PDE3A: variants seen among roughly 807,000 people sequenced by gnomAD.
PDE3A encodes cGMP-inhibited 3',5'-cyclic phosphodiesterase 3A.
PDE3A carries 43 observed loss-of-function variants against 98.3 expected under a neutral mutation model. The observed-to-expected ratio is 0.44, with a 90% CI of 0.34 to 0.56. The LOEUF is 0.56. PDE3A is among the 20% of genes least tolerant of loss of function. The pLI is 0.01. For missense variants in PDE3A, 1,427 were observed against 1,440.7 expected, an observed-to-expected ratio of 0.99 and a Z score of 0.15; for synonymous variants, 663 against 567.9, an observed-to-expected ratio of 1.17 and a Z score of -2.38.
chr12:20,410,652 AT>A (rs1416889729), intron 1 of PDE3A, among the ~76,000 whole-genome samples: 2 of 152,142 alleles, frequency 1.3e-5, no homozygotes, highest in African/African-American at 4.8e-5. Context: ...AACCATTAAG[AT>A]GTGTCCTGTG....
rs905884408 is a variant in PDE3A, at chr12:20,688,473, T to C, written c.*8202T>C. On this transcript the variant is annotated 3_prime_UTR_variant, in exon 16 of 16. Coordinates refer to ENST00000359062, the MANE Select transcript of PDE3A (RefSeq NM_000921.5). ...GCCTCTTGGTTTTATATATATAATA[T>C]ATAAATATTACAGTAAATATATACT... Among the ~76,000 whole-genome samples the C allele has an allele frequency of 6.6e-6, 1 of 151,404 alleles. No homozygotes were observed. Among genetic ancestry groups the C allele is most frequent in the Non-Finnish European group, 1.5e-5 (1 of 67,868 alleles).
At chr12:20,384,407 T>C (rs570575290) in intron 1 of PDE3A, among the ~76,000 whole-genome samples, 4 of 152,112 alleles carry the variant, frequency 2.6e-5, no homozygotes, top group East Asian at 1.9e-4. Flanking sequence ...TAAATGTCTT[T>C]ATATTTTAAA....
intron 1 of PDE3A, among the ~76,000 whole-genome samples, chr12:20,458,804 A>T (rs534548509): frequency 6.6e-6 from 1 of 152,266 alleles, no homozygotes; most frequent in African/African-American, 2.4e-5. Flanking sequence ...ACATTAGGAT[A>T]CTGTCCATTT....
At chr12:20,593,574 T>C (rs186065768) in intron 2 of PDE3A, among the ~76,000 whole-genome samples, 1 of 151,562 alleles carries the variant, frequency 6.6e-6, no homozygotes, top group Non-Finnish European at 1.5e-5. Context: ...CAGTCTTGCA[T>C]GTAAATTTCC....
intron 1 of PDE3A, among the ~76,000 whole-genome samples, chr12:20,491,076 C>T (rs542797131): frequency 6.6e-6 from 1 of 152,112 alleles, no homozygotes; most frequent in African/African-American, 2.4e-5. Flanking sequence ...GTGAGCCTGA[C>T]TCAAAAAAAT....
chr12:20,664,849 AC>A (rs1461330398), intron 15 of PDE3A, among the ~76,000 whole-genome samples: 6 of 152,094 alleles, frequency 3.9e-5, no homozygotes, highest in African/African-American at 1.4e-4. Flanking sequence ...TGACTAACAC[AC>A]CCTCAAATAT....
intron 9 of PDE3A, 85 bp from the exon 10 acceptor site, chr12:20,639,761 C>A: frequency 1.5e-6 from 1 of 650,924 alleles, no homozygotes. Context: ...TTTCCGTTAC[C>A]GATATTTACC....
chr12:20,512,755 C>G (rs559012632), intron 1 of PDE3A, among the ~76,000 whole-genome samples: 3 of 152,150 alleles, frequency 2.0e-5, no homozygotes, highest in East Asian at 1.9e-4. Flanking sequence ...AACTTCGTTA[C>G]GTTAGATAGT....
intron 2 of PDE3A, among the ~76,000 whole-genome samples, chr12:20,588,044 C>T (rs934072051): frequency 6.6e-6 from 1 of 152,172 alleles, no homozygotes. Context: ...CTACTTTGCT[C>T]CTTTCCTTCT....
chr12:20,517,817 C>T (rs1946350794), intron 1 of PDE3A, among the ~76,000 whole-genome samples: 1 of 152,164 alleles, frequency 6.6e-6, no homozygotes, highest in Non-Finnish European at 1.5e-5. Flanking sequence ...AGAATGTGCA[C>T]ACCAATCTCT....
chr12:20,644,841 T>TCCTCCTCCTCCC (rs1944735494), intron 10 of PDE3A, among the ~76,000 whole-genome samples: 1 of 139,906 alleles, frequency 7.1e-6, no homozygotes, highest in Non-Finnish European at 1.5e-5. Context: ...CCCCTCCTCC[T>TCCTCCTCCTCCC]CCTCCTCCTC....
At chr12:20,610,431 C>T (rs187671744) in intron 2 of PDE3A, among the ~76,000 whole-genome samples, 40 of 151,882 alleles carry the variant, frequency 2.6e-4, no homozygotes, top group Middle Eastern at 3.4e-3. Context: ...AAAGGGAACC[C>T]TAGAACACTG....
At chr12:20,544,378 T>C (rs1413622984) in intron 1 of PDE3A, among the ~76,000 whole-genome samples, 1 of 151,736 alleles carries the variant, frequency 6.6e-6, no homozygotes, top group Non-Finnish European at 1.5e-5. Flanking sequence ...TTTTAAAATA[T>C]GATTAATTTA....
At chr12:20,644,134 A>C (rs1269118565) in intron 10 of PDE3A, among the ~76,000 whole-genome samples, 1 of 152,132 alleles carries the variant, frequency 6.6e-6, no homozygotes, top group Non-Finnish European at 1.5e-5. Flanking sequence ...GGCTTCCAAC[A>C]TATCTCCCAA....
intron 1 of PDE3A, among the ~76,000 whole-genome samples, chr12:20,382,121 A>G (rs377745380): frequency 3.3e-5 from 5 of 151,870 alleles, no homozygotes; most frequent in East Asian, 1.9e-4. Flanking sequence ...TGGGAAAACT[A>G]TTAAAATGCA....
intron 4 of PDE3A, among the ~76,000 whole-genome samples, chr12:20,617,986 A>ATACT (rs775970833): frequency 6.6e-5 from 10 of 152,168 alleles, no homozygotes; most frequent in Non-Finnish European, 1.0e-4. Flanking sequence ...AATAAGGAAA[A>ATACT]TACTTACAAT....
chr12:20,475,763 A>T lies in PDE3A; in HGVS notation c.961-80897A>T, dbSNP rs117819881. On this transcript the variant is annotated intron_variant, in intron 1 of 15. Coordinates refer to ENST00000359062, the MANE Select transcript of PDE3A (RefSeq NM_000921.5). ...CACAATCTTGGTATGTAATGAACAG[A>T]GAAAATGCTTTCAGTTTTGTTTTGT... Among the ~76,000 whole-genome samples the T allele has an allele frequency of 1.7e-3, 259 of 152,216 alleles. 5 individuals are homozygous for T. In the East Asian group the frequency reaches 0.043, roughly 25 times the overall value.
At chr12:20,386,106 T>TATAAAA (rs1943776919) in intron 1 of PDE3A, among the ~76,000 whole-genome samples, 6 of 31,506 alleles carry the variant, frequency 1.9e-4, no homozygotes, top group Admixed American at 1.5e-3. Context: ...TATAAATATA[T>TATAAAA]ATATAAATAT....
chr12:20,459,273 A>C (rs1031683703), intron 1 of PDE3A, among the ~76,000 whole-genome samples: 3 of 152,128 alleles, frequency 2.0e-5, no homozygotes, highest in African/African-American at 7.2e-5. Context: ...ATTTTCAACT[A>C]TCCCGGAGGT....
Sources: allele counts gnomAD v4.1 joint callset (sites outside exome capture counted in the v4.1 genomes callset), GRCh38; gene constraint gnomAD v4.1.1; transcripts MANE v1.5; gene names NCBI Gene and HGNC (gene_info 2026-07-23, HGNC 2026-07-21).